Variants in MIR2052HG observed in about 807,000 individuals in gnomAD.
The protein encoded by MIR2052HG is MIR2052 host gene.
At chr8:74,656,444 A>G (rs528702419) in intron 2 of MIR2052HG, among the ~76,000 whole-genome samples, 47 of 152,052 alleles carry the variant, frequency 3.1e-4, no homozygotes, top group Non-Finnish European at 5.9e-4. Flanking sequence ...TTCCTGTACT[A>G]TTCTTGTGAT....
At chr8:74,738,104 G>A (rs907749307) in intron 4 of MIR2052HG, among the ~76,000 whole-genome samples, 12 of 126,418 alleles carry the variant, frequency 9.5e-5, no homozygotes, top group Non-Finnish European at 1.7e-4. Context: ...GTATGTATCT[G>A]TTATGTATGT....
intron 4 of MIR2052HG, among the ~76,000 whole-genome samples, chr8:74,738,893 G>A (rs1809798480): frequency 6.6e-6 from 1 of 152,220 alleles, no homozygotes; most frequent in South Asian, 2.1e-4. Context: ...CTAAGAGGAT[G>A]TTGGCCATTA....
In MIR2052HG at chr8:74,754,148, G is replaced by A. The variant is rs374565256; in HGVS notation, n.464+1615G>A. Among the ~76,000 whole-genome samples, 56 of 152,300 alleles carry A rather than the reference G, an allele frequency of 3.7e-4. 3 individuals carry two copies. The East Asian group carries it at 5.8e-3, about 16-fold the overall frequency. On this transcript the variant is annotated intron_variant and non_coding_transcript_variant, in intron 5 of 6. Coordinates refer to ENST00000523442, the Ensembl canonical transcript of MIR2052HG. ...AGAACATAATAGTACCTACCTCATA[G>A]GGTGGTTCTGAGGCTTAAATAAAAC...
intron 2 of MIR2052HG, among the ~76,000 whole-genome samples, chr8:74,660,580 TG>T (rs1363359974): frequency 6.6e-6 from 1 of 152,214 alleles, no homozygotes; most frequent in African/African-American, 2.4e-5. Context: ...AAATATTACT[TG>T]TTTCTCTTTT....
intron 4 of MIR2052HG, among the ~76,000 whole-genome samples, chr8:74,741,782 C>T (rs1216766013): frequency 6.6e-6 from 1 of 152,126 alleles, no homozygotes; most frequent in African/African-American, 2.4e-5. Flanking sequence ...CTAAGCACTG[C>T]AGCACTAAGC....
intron 2 of MIR2052HG, among the ~76,000 whole-genome samples, chr8:74,653,653 G>A (rs1406937110): frequency 1.3e-5 from 2 of 152,096 alleles, no homozygotes; most frequent in African/African-American, 4.8e-5. Flanking sequence ...AAACCAATGG[G>A]ACCACACCTG....
chr8:74,660,447 T>G (rs1586906225), intron 2 of MIR2052HG, among the ~76,000 whole-genome samples: 1 of 152,218 alleles, frequency 6.6e-6, no homozygotes, highest in Non-Finnish European at 1.5e-5. Context: ...AAGAGAGAGG[T>G]GTGTAAACAG....
chr8:74,714,965 C>A (rs1236513778), intron 4 of MIR2052HG, among the ~76,000 whole-genome samples: 4 of 152,104 alleles, frequency 2.6e-5, no homozygotes, highest in African/African-American at 9.7e-5. Context: ...CAGGCGTGAG[C>A]CACAGTGCCC....
chr8:74,611,228 T>G (rs571558486), intron 1 of MIR2052HG, among the ~76,000 whole-genome samples: 2 of 152,136 alleles, frequency 1.3e-5, no homozygotes, highest in East Asian at 3.9e-4. Context: ...TAAACATCAA[T>G]TTTTCATTAG....
At chr8:74,600,278 T>C (rs904400841) in intron 1 of MIR2052HG, among the ~76,000 whole-genome samples, 23 of 135,180 alleles carry the variant, frequency 1.7e-4, no homozygotes, top group Middle Eastern at 3.8e-3. Flanking sequence ...ATTTCTTTTC[T>C]TTTTTTTTTT....
intron 2 of MIR2052HG, among the ~76,000 whole-genome samples, chr8:74,643,847 G>A (rs572181899): frequency 6.6e-6 from 1 of 152,080 alleles, no homozygotes; most frequent in South Asian, 2.1e-4. Context: ...GCCTCTTTTA[G>A]TTAACAACAA....
intron 4 of MIR2052HG, among the ~76,000 whole-genome samples, chr8:74,735,140 G>A (rs1809732728): frequency 6.6e-6 from 1 of 152,186 alleles, no homozygotes; most frequent in East Asian, 1.9e-4. Context: ...AACAAACACA[G>A]GTTGTTGTGA....
chr8:74,681,944 G>T (rs181761722), intron 2 of MIR2052HG, among the ~76,000 whole-genome samples: 2 of 152,274 alleles, frequency 1.3e-5, no homozygotes, highest in East Asian at 3.9e-4. Flanking sequence ...CTGGGGAAAT[G>T]TATGACTATT....
intron 2 of MIR2052HG, among the ~76,000 whole-genome samples, chr8:74,689,157 A>G (rs1451901433): frequency 2.0e-5 from 3 of 152,128 alleles, no homozygotes; most frequent in African/African-American, 7.2e-5. Flanking sequence ...AAGAAGTTTG[A>G]GGTGATATGT....
intron 1 of MIR2052HG, chr8:74,603,836 T>C: frequency 1.2e-6 from 1 of 859,316 alleles, no homozygotes; most frequent in Non-Finnish European, 2.0e-6. Flanking sequence ...TTGGGTAGCA[T>C]ATCCCCTGCC....
chr8:74,636,926 T>C (rs1239224984), intron 2 of MIR2052HG, among the ~76,000 whole-genome samples: 2 of 152,186 alleles, frequency 1.3e-5, no homozygotes. Context: ...GCATTTCTAA[T>C]ATGCTCACAG....
At chr8:74,601,866 C>G (rs1301573158) in intron 1 of MIR2052HG, among the ~76,000 whole-genome samples, 1 of 152,204 alleles carries the variant, frequency 6.6e-6, no homozygotes, top group Non-Finnish European at 1.5e-5. Flanking sequence ...GTGAATAAAT[C>G]TCATTATCTT....
chr8:74,727,859 A>G (rs1218546912), intron 4 of MIR2052HG, among the ~76,000 whole-genome samples: 1 of 150,732 alleles, frequency 6.6e-6, no homozygotes, highest in African/African-American at 2.5e-5. Context: ...GGTTTTATTA[A>G]GGACTTTGTG....
At position 74,612,541 on chromosome 8, in the gene MIR2052HG, T is replaced by C. The variant is rs140026238; in HGVS notation, n.129-312T>C. On this transcript the variant is annotated intron_variant and non_coding_transcript_variant, in intron 1 of 6. Coordinates refer to ENST00000523442, the Ensembl canonical transcript of MIR2052HG. ...CTGCTTGGACAGAGGTCATGCTCGT[T>C]ACTAGGTAATTTATATACATGTAAT... is the stretch of plus-strand genomic sequence containing the variant. 104 of 218,034 alleles carry C rather than the reference T, an allele frequency of 4.8e-4. 1 individual carries two copies. The highest frequency in any genetic ancestry group is 2.2e-3 in the African/African-American group (96 of 42,902). The allele number at this position is 218,034 out of a possible 1,614,324, so 13.5% of individuals were successfully genotyped here.
Sources: gnomAD v4.1 joint callset for allele counts (sites outside exome capture counted in the v4.1 genomes callset) on GRCh38, gnomAD v4.1.1 for gene constraint, MANE v1.5 for transcripts, NCBI Gene and HGNC (gene_info 2026-07-23, HGNC 2026-07-21) for gene names.